The following VEPH1 variants were observed in gnomAD, a reference collection of about 807,000 sequenced individuals.
The protein encoded by VEPH1 is ventricular zone-expressed PH domain-containing protein homolog 1.
A neutral mutation model predicts 85.2 loss-of-function variants in VEPH1; 80 were observed. The ratio of observed to expected loss-of-function variants is 0.94; its 90% CI spans 0.78 to 1.13. The LOEUF (loss-of-function observed/expected upper bound fraction) is 1.13. Among genes scored for constraint, VEPH1 ranks in the 50% most tolerant of loss-of-function variants. VEPH1 has a pLI of 0.00. For synonymous variants in VEPH1, 297 were observed against 348.0 expected (o/e 0.85, Z 1.63); for missense variants, 955 against 980.5 (o/e 0.97, Z 0.35).
intron 4 of VEPH1, among the ~76,000 whole-genome samples, chr3:157,434,254 T>C (rs754535093): frequency 2.6e-5 from 4 of 152,176 alleles, no homozygotes; most frequent in Non-Finnish European, 5.9e-5. Context: ...CTACTTTATG[T>C]TTTATGCATA....
intron 9 of VEPH1, among the ~76,000 whole-genome samples, chr3:157,361,017 C>A (rs1725996430): frequency 6.6e-6 from 1 of 152,168 alleles, no homozygotes; most frequent in Non-Finnish European, 1.5e-5. Context: ...CACTATTTTA[C>A]CTTTATCTTT....
In VEPH1 at chr3:157,354,837, A is replaced by T. The variant is rs1725250708; in HGVS notation, c.1735+8527T>A. Among the ~76,000 whole-genome samples, 3 of 152,164 alleles carry T rather than the reference A, an allele frequency of 2.0e-5. No individual in the cohort carries two copies. The South Asian group carries it at 6.2e-4, about 32-fold the overall frequency. ...GAATGAATCTGCTATTCACCTGTAG[A>T]ATAGCATTTGCTTCCTAAGGAGTCT... On this transcript the variant is annotated intron_variant, in intron 9 of 13. Transcript: ENST00000362010.
At chr3:157,492,483 C>T (rs1739308590) in intron 2 of VEPH1, among the ~76,000 whole-genome samples, 1 of 152,162 alleles carries the variant, frequency 6.6e-6, no homozygotes, top group South Asian at 2.1e-4. Context: ...CTTTCCCAGA[C>T]ACAGGCTCCT....
Position 157,357,179 on chromosome 3 carries a change from G to T in VEPH1, c.1735+6185C>A, listed in dbSNP as rs188614648. On this transcript the variant is annotated intron_variant, in intron 9 of 13. Transcript: ENST00000362010. Reference sequence around the variant, plus strand: ...TTGAAATATACTCCTGTGCATTTTCGCTCCATTTATGTATTTACTTTTGCC... The same window carrying T: ...TTGAAATATACTCCTGTGCATTTTCTCTCCATTTATGTATTTACTTTTGCC... 1.2e-3 allele frequency among the ~76,000 whole-genome samples: 179 copies of T among 151,960 alleles called. 1 individual carries two copies. Among genetic ancestry groups the T allele is most frequent in the African/African-American group, 3.7e-3 (155 of 41,398 alleles).
In VEPH1 at chr3:157,321,639, A is replaced by G. The variant is rs377517364; in HGVS notation, c.1736-4438T>C. Among the ~76,000 whole-genome samples the G allele has an allele frequency of 8.5e-4, 130 of 152,320 alleles. 2 individuals are homozygous for G. The South Asian group carries it at 0.015, about 17-fold the overall frequency. ...AAACAGAGGTAATAGAAGTACCTCA[A>G]AAAGAAGTATAATTCAATAGAAAGA... On this transcript the variant is annotated intron_variant, in intron 9 of 13. Coordinates refer to ENST00000362010, the MANE Select transcript of VEPH1 (RefSeq NM_001167912.2).
At chr3:157,272,431 C>CTT (rs1714813635) in intron 12 of VEPH1, among the ~76,000 whole-genome samples, 1 of 130,536 alleles carries the variant, frequency 7.7e-6, no homozygotes, top group Non-Finnish European at 1.6e-5. Flanking sequence ...TTCTTTCTTT[C>CTT]TTTCTTTCCT....
At chr3:157,312,784 G>C (rs1004780624) in intron 11 of VEPH1, among the ~76,000 whole-genome samples, 2 of 151,820 alleles carry the variant, frequency 1.3e-5, no homozygotes, top group Non-Finnish European at 2.9e-5. Flanking sequence ...CTGAGACTGG[G>C]TAATTTATAA....
chr3:157,263,781 T>C (rs1220030048), intron 13 of VEPH1, among the ~76,000 whole-genome samples: 1 of 152,232 alleles, frequency 6.6e-6, no homozygotes, highest in Non-Finnish European at 1.5e-5. Flanking sequence ...CTGGTCAGAA[T>C]ACACGATACT....
intron 4 of VEPH1, among the ~76,000 whole-genome samples, chr3:157,441,529 G>C (rs1225080129): frequency 6.6e-6 from 1 of 152,078 alleles, no homozygotes; most frequent in African/African-American, 2.4e-5. Flanking sequence ...TATTCTGCAG[G>C]CCAGGTGTGG....
At chr3:157,326,206 A>G (rs1242756971) in intron 9 of VEPH1, among the ~76,000 whole-genome samples, 1 of 152,092 alleles carries the variant, frequency 6.6e-6, no homozygotes, top group African/African-American at 2.4e-5. Flanking sequence ...TAAGCAAACA[A>G]TTTAAATGAT....
chr3:157,478,585 A>G (rs1577761364), intron 2 of VEPH1, among the ~76,000 whole-genome samples: 1 of 152,208 alleles, frequency 6.6e-6, no homozygotes. Context: ...CATGAACACT[A>G]GAACTCAGTC....
chr3:157,493,108 C>T, intron 2 of VEPH1: 1 of 374,468 alleles, frequency 2.7e-6, no homozygotes, highest in South Asian at 2.0e-5. Flanking sequence ...GATGGAGATG[C>T]CATCAAGGTT....
At chr3:157,333,989 G>C (rs1432425650) in intron 9 of VEPH1, among the ~76,000 whole-genome samples, 4 of 152,134 alleles carry the variant, frequency 2.6e-5, no homozygotes, top group Admixed American at 1.3e-4. Flanking sequence ...GAACACTCAT[G>C]GGAGAGTTAT....
intron 11 of VEPH1, among the ~76,000 whole-genome samples, chr3:157,303,183 G>A (rs1004852440): frequency 1.3e-5 from 2 of 151,954 alleles, no homozygotes; most frequent in Admixed American, 6.6e-5. Flanking sequence ...TTGTTTCAAG[G>A]CCTTTGTGCA....
intron 7 of VEPH1, among the ~76,000 whole-genome samples, chr3:157,380,217 C>T (rs966485256): frequency 2.0e-5 from 3 of 152,172 alleles, no homozygotes; most frequent in Admixed American, 1.3e-4. Flanking sequence ...ATGGCCAACA[C>T]CTATGCACAC....
intron 9 of VEPH1, among the ~76,000 whole-genome samples, chr3:157,342,931 G>T (rs1021728338): frequency 1.3e-5 from 2 of 152,034 alleles, no homozygotes; most frequent in Non-Finnish European, 2.9e-5. Context: ...ATGACTACTG[G>T]GTACACAACG....
chr3:157,318,875 G>A (rs9818517), intron 9 of VEPH1, among the ~76,000 whole-genome samples: 32,321 of 151,922 alleles, frequency 0.21, 5,538 homozygotes, highest in African/African-American at 0.47. Context: ...GTGAGACCAC[G>A]TCTCTAAAAG....
chr3:157,431,372 G>A (rs1248788619), intron 4 of VEPH1, among the ~76,000 whole-genome samples: 4 of 152,086 alleles, frequency 2.6e-5, no homozygotes, highest in African/African-American at 7.2e-5. Context: ...GAGGCTGCCT[G>A]AATTTCTTGG....
chr3:157,415,432 T>C (rs1035899317), intron 5 of VEPH1, among the ~76,000 whole-genome samples: 8 of 152,180 alleles, frequency 5.3e-5, no homozygotes, highest in Non-Finnish European at 1.5e-5. Context: ...CCTAGGGCTC[T>C]AATTTAGGCA....
Sources: gnomAD v4.1 joint callset for allele counts (sites outside exome capture counted in the v4.1 genomes callset) on GRCh38, gnomAD v4.1.1 for gene constraint, MANE v1.5 for transcripts, NCBI Gene and HGNC (gene_info 2026-07-23, HGNC 2026-07-21) for gene names.